The following NEK5 variants were observed in gnomAD, a reference collection of about 807,000 sequenced individuals.
The protein encoded by NEK5 is serine/threonine-protein kinase Nek5.
NEK5 carries 88 observed loss-of-function variants against 109.2 expected under a neutral mutation model. The observed-to-expected ratio is 0.81, with a 90% CI of 0.68 to 0.96. NEK5 has a LOEUF of 0.96. Ranked by LOEUF, NEK5 falls within the 40% of genes least tolerant of loss-of-function variation. The pLI is 0.00. For synonymous variants in NEK5, 283 were observed against 299.9 expected (o/e 0.94, Z 0.58); for missense variants, 834 against 920.7 (o/e 0.91, Z 1.22).
At chr13:52,084,079 T>G (rs1481079742) in intron 16 of NEK5, among the ~76,000 whole-genome samples, 1 of 152,166 alleles carries the variant, frequency 6.6e-6, no homozygotes, top group Non-Finnish European at 1.5e-5. Flanking sequence ...CCCACCCACT[T>G]CTTCCATAAA....
chr13:52,112,077 A>G (rs1955769149), intron 5 of NEK5, among the ~76,000 whole-genome samples, 191 bp downstream of exon 5: 1 of 152,166 alleles, frequency 6.6e-6, no homozygotes, highest in Non-Finnish European at 1.5e-5. Flanking sequence ...AAAACAATTC[A>G]GTTTAAGTTC....
At chr13:52,037,773 A>G (rs1378372203) in intron 23 of NEK5, among the ~76,000 whole-genome samples, 1 of 152,128 alleles carries the variant, frequency 6.6e-6, no homozygotes, top group Admixed American at 6.5e-5. Context: ...AATACAAAAA[A>G]TTAGCCGGGC....
chr13:52,071,821 C>T, intron 20 of NEK5, 123 bp downstream of exon 20: 1 of 817,326 alleles, frequency 1.2e-6, no homozygotes, highest in South Asian at 1.5e-5. Context: ...TTCTGCCTTG[C>T]TTAGAGAGGG....
At chr13:52,100,057 G>T (rs1316964976) in intron 11 of NEK5, among the ~76,000 whole-genome samples, 181 bp from the exon 12 acceptor site, 1 of 151,830 alleles carries the variant, frequency 6.6e-6, no homozygotes, top group Admixed American at 6.6e-5. Context: ...TTCTTTAAAT[G>T]AAAAAAACCA....
chr13:52,068,929 C>G lies in NEK5; in HGVS notation c.1849+3015G>C, dbSNP rs527849444. 3.1e-5 allele frequency among the ~76,000 whole-genome samples: 3 copies of G among 96,722 alleles called. No homozygotes were observed. In the South Asian group the frequency reaches 9.3e-4, roughly 30 times the overall value. 63.5% of individuals were successfully genotyped at this position (96,722 alleles called of 152,430 possible). A position where few individuals can be genotyped will look rare whatever the true frequency, so the allele number is the denominator to read the frequency against. The stretch of plus-strand genomic sequence containing the variant: ...GAGGTTACAGTGAGCCAAGATTGTG[C>G]CACTGCACTCCAGCCTGGGCGACAG... On this transcript the variant is annotated intron_variant, in intron 20 of 23. Coordinates refer to ENST00000684899, the MANE Select transcript of NEK5 (RefSeq NM_001365552.1).
At chr13:52,115,397 G>A (rs943051823) in intron 4 of NEK5, among the ~76,000 whole-genome samples, 2 of 151,062 alleles carry the variant, frequency 1.3e-5, no homozygotes, top group Non-Finnish European at 3.0e-5. Flanking sequence ...CTGAGGTCAG[G>A]AATTTGAGAC....
At chr13:52,078,487 T>C (rs1304571710) in intron 17 of NEK5, among the ~76,000 whole-genome samples, 5 of 152,208 alleles carry the variant, frequency 3.3e-5, no homozygotes, top group African/African-American at 9.6e-5. Flanking sequence ...ATGTTCACTA[T>C]ATTGATTGTG....
At chr13:52,054,133 C>CA (rs1243491427) in intron 22 of NEK5, among the ~76,000 whole-genome samples, 3 of 152,136 alleles carry the variant, frequency 2.0e-5, no homozygotes, top group African/African-American at 7.2e-5. Flanking sequence ...GCAGCAGTGT[C>CA]ATTTGATCAG....
At position 52,094,046 on chromosome 13, in the gene NEK5, A is replaced by G. The variant is rs1955351999; in HGVS notation, c.1027-811T>C. ...GAATCAGAATCATTCTTCCAGAGAA[A>G]ATATTAAAAAAGGTCATATAACAGC... is the stretch of plus-strand genomic sequence containing the variant. On this transcript the variant is annotated intron_variant, in intron 12 of 23. Transcript: ENST00000684899. Among the ~76,000 whole-genome samples the G allele has an allele frequency of 5.9e-5, 9 of 152,332 alleles. No homozygotes were observed. In the South Asian group the frequency reaches 1.9e-3, roughly 32 times the overall value.
chr13:52,076,695 A>G (rs542920460), intron 17 of NEK5, among the ~76,000 whole-genome samples: 1 of 152,296 alleles, frequency 6.6e-6, no homozygotes, highest in Non-Finnish European at 1.5e-5. Context: ...TTTAAATGCC[A>G]CTGTTAAGCA....
At chr13:52,085,350 A>T (rs758421347) in intron 16 of NEK5, among the ~76,000 whole-genome samples, 8 of 152,180 alleles carry the variant, frequency 5.3e-5, no homozygotes, top group Non-Finnish European at 1.2e-4. Context: ...TTTATAAATT[A>T]CCCAGTCTTG....
intron 16 of NEK5, among the ~76,000 whole-genome samples, chr13:52,084,762 A>AGTGT (rs368429926): frequency 0.026 from 1,235 of 47,406 alleles, 34 homozygotes; most frequent in Admixed American, 0.028. Flanking sequence ...AGAGAGAGAG[A>AGTGT]GTGTGTGTGT....
chr13:52,082,449 G>A, intron 17 of NEK5: 3 of 570,032 alleles, frequency 5.3e-6, no homozygotes, highest in Non-Finnish European at 2.4e-6. Flanking sequence ...AACATTTTAT[G>A]TAATTATTTT....
At chr13:52,086,474 A>G (rs1955145921) in intron 15 of NEK5, 111 bp from the exon 16 acceptor site, 2 of 713,056 alleles carry the variant, frequency 2.8e-6, no homozygotes, top group Middle Eastern at 2.4e-4. Context: ...TAAGGTTAGA[A>G]AAATATGTTG....
rs1954367512 is a variant in NEK5 at position 52,037,171 on chromosome 13, T to A, written c.2276A>T (p.Tyr759Phe). The change falls in exon 24 of 24, where the codon TAC becomes TTC. Residue 759 changes from tyrosine to phenylalanine, a missense_variant. Tyr to Phe is a conservative substitution (Grantham distance 22, BLOSUM62 3). This residue lies in a region of NEK5 where 57 missense variants were observed against 96.0 expected (regional missense o/e 0.59). Coordinates refer to ENST00000684899, the MANE Select transcript of NEK5 (RefSeq NM_001365552.1). ...EDELRDEVVE[Y>F]LEKLATFKGE... ...TTTGAAAGTAGCGAGTTTTTCTAAG[T>A]ATTCTACTACTTCATCTCTCAACTC... 1.0e-6 allele frequency: 1 copy of A among 984,838 alleles called. No homozygotes were observed. 61.0% of individuals were successfully genotyped at this position (984,838 alleles called of 1,614,324 possible).
In NEK5 at chr13:52,089,234, G is replaced by C. The variant is rs199529058; in HGVS notation, c.1275+13C>G. On this transcript the variant is annotated intron_variant, in intron 14 of 23. Transcript: ENST00000684899. Reference sequence around the variant, plus strand: ...AATTCCTAATTGCTTCCCATATTTGGTATTTTACTTACCAATTGCTTCTCC... The same window carrying C: ...AATTCCTAATTGCTTCCCATATTTGCTATTTTACTTACCAATTGCTTCTCC... 9 of 1,502,874 alleles carry C rather than the reference G, an allele frequency of 6.0e-6. No individual in the cohort carries two copies. In the African/African-American group the frequency reaches 1.2e-4, roughly 21 times the overall value. The allele number at this position is 1,502,874 out of a possible 1,614,324, so 93.1% of individuals were successfully genotyped here.
chr13:52,082,178 G>A (rs190644387), intron 17 of NEK5: 4 of 254,392 alleles, frequency 1.6e-5, no homozygotes, highest in African/African-American at 2.4e-5. Flanking sequence ...AGCTGGGCGC[G>A]GTGGCAGGCG....
At chr13:52,098,204 A>C (rs894782605) in intron 12 of NEK5, among the ~76,000 whole-genome samples, 1 of 152,102 alleles carries the variant, frequency 6.6e-6, no homozygotes, top group African/African-American at 2.4e-5. Flanking sequence ...TCCAGGCTGC[A>C]GTGAGCTGAG....
At chr13:52,085,559 A>G (rs1343840293) in intron 16 of NEK5, among the ~76,000 whole-genome samples, 2 of 152,196 alleles carry the variant, frequency 1.3e-5, no homozygotes, top group East Asian at 3.9e-4. Context: ...GTGTGTGGCC[A>G]AGTGCATGTG....
Sources: allele counts gnomAD v4.1 joint callset (sites outside exome capture counted in the v4.1 genomes callset), GRCh38; gene constraint gnomAD v4.1.1; regional missense constraint gnomAD v4.1.1; transcripts MANE v1.5; gene names NCBI Gene and HGNC (gene_info 2026-07-23, HGNC 2026-07-21).